CUL3: variants seen among roughly 807,000 people sequenced by gnomAD.
CUL3 encodes the protein cullin 3.
CUL3 carries 19 observed loss-of-function variants against 89.1 expected under a neutral mutation model. The ratio of observed to expected loss-of-function variants is 0.21; its 90% CI spans 0.15 to 0.31. The LOEUF (loss-of-function observed/expected upper bound fraction) is 0.31. Ranked by LOEUF, CUL3 falls within the 10% of genes least tolerant of loss-of-function variation. The pLI, the probability that CUL3 is intolerant of heterozygous loss-of-function variation, is 1.00. For missense variants in CUL3, 469 were observed against 942.3 expected (o/e 0.50, Z 6.58); for synonymous variants, 351 against 308.4 (o/e 1.14, Z -1.45).
Position 224,551,068 on chromosome 2 carries a change from C to CTTTT in CUL3, c.264+6587_264+6590dup, listed in dbSNP as rs771053112. Among the ~76,000 whole-genome samples the CTTTT allele has an allele frequency of 4.6e-3, 649 of 141,344 alleles. 6 individuals are homozygous for CTTTT. Among genetic ancestry groups the CTTTT allele is most frequent in the African/African-American group, 0.014 (550 of 38,522 alleles). The allele number at this position is 141,344 out of a possible 152,430, so 92.7% of individuals were successfully genotyped here. A position where few individuals can be genotyped will look rare whatever the true frequency, so the allele number is the denominator to read the frequency against. ...GGAAGTGGCAAAGAATAGCCTCCAG[C>CTTTT]TTTTTTTTTTTTTTTAATCGCTCTG... On this transcript the variant is annotated intron_variant, in intron 2 of 15. Coordinates refer to ENST00000264414, the MANE Select transcript of CUL3 (RefSeq NM_003590.5).
chr2:224,524,757 A>G (rs1693403103), intron 3 of CUL3, among the ~76,000 whole-genome samples: 1 of 152,164 alleles, frequency 6.6e-6, no homozygotes, highest in African/African-American at 2.4e-5. Context: ...TGGAATTCAA[A>G]TTTTAAAACA....
At chr2:224,536,155 T>G (rs1010907959) in intron 2 of CUL3, among the ~76,000 whole-genome samples, 1 of 152,024 alleles carries the variant, frequency 6.6e-6, no homozygotes, top group Non-Finnish European at 1.5e-5. Flanking sequence ...TCTTGTAGGA[T>G]TGTTTTAAGA....
intron 10 of CUL3, among the ~76,000 whole-genome samples, chr2:224,502,300 T>C (rs1446460601): frequency 1.3e-5 from 2 of 152,178 alleles, no homozygotes; most frequent in South Asian, 2.1e-4. Context: ...ATTTAAAAAC[T>C]GTACAATTCT....
intron 1 of CUL3, among the ~76,000 whole-genome samples, chr2:224,571,512 C>T (rs904333604): frequency 2.6e-5 from 4 of 151,984 alleles, no homozygotes; most frequent in Admixed American, 2.0e-4. Context: ...TACAAAATAC[C>T]GAACTGCCAT....
chr2:224,583,056 G>A (rs1695479038), intron 1 of CUL3, among the ~76,000 whole-genome samples: 2 of 152,178 alleles, frequency 1.3e-5, no homozygotes, highest in South Asian at 2.1e-4. Context: ...GAATTGAGTA[G>A]TGTAAGGCTG....
chr2:224,516,701 C>A (rs1382108572), intron 3 of CUL3, among the ~76,000 whole-genome samples: 2 of 152,016 alleles, frequency 1.3e-5, no homozygotes, highest in African/African-American at 4.8e-5. Context: ...GGCTGGAGTG[C>A]AGTGGTGTGA....
intron 6 of CUL3, among the ~76,000 whole-genome samples, chr2:224,511,044 C>T (rs943319103): frequency 1.3e-5 from 2 of 152,124 alleles, no homozygotes; most frequent in Non-Finnish European, 2.9e-5. Flanking sequence ...CTTTGGTATA[C>T]AGGAAGTACA....
intron 10 of CUL3, among the ~76,000 whole-genome samples, chr2:224,500,718 C>T (rs1031040960): frequency 2.0e-5 from 3 of 151,566 alleles, no homozygotes; most frequent in Admixed American, 6.6e-5. Context: ...CTCCGCCTCC[C>T]AGGTTCAAAC....
intron 2 of CUL3, among the ~76,000 whole-genome samples, chr2:224,547,824 T>C (rs1010600672): frequency 6.6e-6 from 1 of 152,110 alleles, no homozygotes; most frequent in African/African-American, 2.4e-5. Flanking sequence ...AAAGCTTTAT[T>C]ATAAAAGGAA....
chr2:224,527,934 T>C (rs536109731), intron 3 of CUL3, among the ~76,000 whole-genome samples: 1 of 152,338 alleles, frequency 6.6e-6, no homozygotes, highest in South Asian at 2.1e-4. Flanking sequence ...CACTCTTCTC[T>C]GAGGCTAAGT....
chr2:224,542,495 T>TTTTG (rs769222087), intron 2 of CUL3, among the ~76,000 whole-genome samples: 8 of 150,326 alleles, frequency 5.3e-5, no homozygotes, highest in Admixed American at 5.3e-4. Context: ...TTCTGGCTTT[T>TTTTG]TGTGTGTGTG....
chr2:224,507,356 C>A (rs898790990), intron 6 of CUL3, among the ~76,000 whole-genome samples: 13 of 152,212 alleles, frequency 8.5e-5, no homozygotes, highest in Middle Eastern at 3.4e-3. Flanking sequence ...CTTTATCCTA[C>A]ATAACTCTAA....
chr2:224,475,610 TTACCACTCCTG>T (rs980208278), intron 15 of CUL3, among the ~76,000 whole-genome samples: 2 of 152,198 alleles, frequency 1.3e-5, no homozygotes, highest in African/African-American at 4.8e-5. Flanking sequence ...CCTTCCAGGA[TTACCACTCCTG>T]TATCGACAAA....
chr2:224,576,670 T>C (rs954729778), intron 1 of CUL3, among the ~76,000 whole-genome samples: 18 of 94,924 alleles, frequency 1.9e-4, no homozygotes, highest in African/African-American at 8.6e-4. Flanking sequence ...CCTAACCTAG[T>C]TCAGGAGTGA....
chr2:224,478,594 T>C (rs1380034211), intron 14 of CUL3: 6 of 333,052 alleles, frequency 1.8e-5, no homozygotes, highest in Non-Finnish European at 2.7e-5. Context: ...CAGAATATAA[T>C]TTCTTACCTG....
intron 6 of CUL3, among the ~76,000 whole-genome samples, chr2:224,510,311 T>G (rs958527993): frequency 1.3e-5 from 2 of 150,894 alleles, no homozygotes; most frequent in Non-Finnish European, 1.5e-5. Context: ...TTTTTTTTTG[T>G]TTTTTTAAAT....
chr2:224,528,344 G>T (rs917689052), intron 3 of CUL3, among the ~76,000 whole-genome samples: 3 of 151,972 alleles, frequency 2.0e-5, no homozygotes, highest in Non-Finnish European at 4.4e-5. Flanking sequence ...CAATCATATC[G>T]CCTTTTTTCT....
At chr2:224,575,955 T>C (rs1474009658) in intron 1 of CUL3, among the ~76,000 whole-genome samples, 1 of 152,122 alleles carries the variant, frequency 6.6e-6, no homozygotes, top group Non-Finnish European at 1.5e-5. Flanking sequence ...GACTTCCACA[T>C]GCAATGAACA....
At chr2:224,557,272 T>C (rs1169368538) in intron 2 of CUL3, among the ~76,000 whole-genome samples, 1 of 152,128 alleles carries the variant, frequency 6.6e-6, no homozygotes, top group African/African-American at 2.4e-5. Context: ...GTGATCCATC[T>C]TAGAAATATA....
Sources: allele counts gnomAD v4.1 joint callset (sites outside exome capture counted in the v4.1 genomes callset), GRCh38; gene constraint gnomAD v4.1.1; transcripts MANE v1.5; gene names NCBI Gene and HGNC (gene_info 2026-07-23, HGNC 2026-07-21).